The following PTPRT variants were observed in gnomAD, a reference collection of about 807,000 sequenced individuals.
PTPRT encodes the protein receptor-type tyrosine-protein phosphatase T.
In PTPRT, 56 loss-of-function variants were observed where a neutral mutation model predicts 176.8. That is an observed-to-expected ratio of 0.32 (90% CI 0.26 to 0.40). The LOEUF (loss-of-function observed/expected upper bound fraction) is 0.40, where lower values mean the gene tolerates loss of function less well. Among genes scored for constraint, PTPRT ranks in the 10% least tolerant of loss-of-function variants. The pLI, the probability that PTPRT is intolerant of heterozygous loss-of-function variation, is 1.00. For missense variants in PTPRT, 1,540 were observed against 1,908.2 expected, an observed-to-expected ratio of 0.81 and a Z score of 3.60; for synonymous variants, 783 against 739.0, an observed-to-expected ratio of 1.06 and a Z score of -0.96.
At chr20:43,083,321 T>TGTGTATATATATATATATATATATATAC (rs1491174501) in intron 1 of PTPRT, among the ~76,000 whole-genome samples, 1 of 11,426 alleles carries the variant, frequency 8.8e-5, no homozygotes, top group African/African-American at 4.2e-4. Context: ...ACTTCAAATG[T>TGTGTATATATATATATATATATATATAC]ATATATATAT....
intron 9 of PTPRT, among the ~76,000 whole-genome samples, chr20:42,378,028 T>C (rs2058666973): frequency 3.3e-5 from 5 of 152,292 alleles, no homozygotes; most frequent in Middle Eastern, 3.4e-3. Context: ...AGGCAGAGGT[T>C]GGGGCAGAAT....
chr20:43,137,331 CT>C (rs911398039), intron 1 of PTPRT, among the ~76,000 whole-genome samples: 6 of 152,110 alleles, frequency 3.9e-5, no homozygotes, highest in Non-Finnish European at 8.8e-5. Flanking sequence ...GGCCCTCTGC[CT>C]TTTTTTGTAA....
intron 7 of PTPRT, among the ~76,000 whole-genome samples, chr20:42,545,469 C>A (rs944217400): frequency 2.0e-5 from 3 of 152,056 alleles, no homozygotes; most frequent in Non-Finnish European, 4.4e-5. Context: ...CCCACTATGG[C>A]GAGATTCTTT....
At chr20:42,975,637 A>G (rs1982902718) in intron 1 of PTPRT, among the ~76,000 whole-genome samples, 1 of 152,190 alleles carries the variant, frequency 6.6e-6, no homozygotes, top group Non-Finnish European at 1.5e-5. Context: ...ACAAGACAGA[A>G]TTCTCACTAC....
Position 42,315,883 on chromosome 20 carries a change from G to A in PTPRT, c.1979C>T (p.Ser660Phe). Residue 660 changes from serine (S) to phenylalanine (F), a missense_variant, in exon 12 of 31, where the codon TCT (serine) becomes TTT (phenylalanine). Physicochemically the swap from Ser to Phe is radical, Grantham distance 155 (BLOSUM62 -2). This residue lies in a region of PTPRT where 81 missense variants were observed against 89.9 expected (regional missense o/e 0.90). Coordinates refer to ENST00000373187, the MANE Select transcript of PTPRT (RefSeq NM_007050.6). ...CAACTCAGCAGCAAAGTAGTGTAGA[G>A]AATCGAGGCTGGAGGCATTCCGATA... ...VSYRNASSLD[S>F]LHYFAAELKP... 1 of 1,614,002 alleles carries A rather than the reference G, an allele frequency of 6.2e-7. No individual in the cohort carries two copies. Among genetic ancestry groups the A allele is most frequent in the Non-Finnish European group, 8.5e-7 (1 of 1,179,990 alleles).
chr20:43,169,450 T>C (rs1341234050), intron 1 of PTPRT, among the ~76,000 whole-genome samples: 2 of 152,172 alleles, frequency 1.3e-5, no homozygotes, highest in Admixed American at 1.3e-4. Flanking sequence ...AACTACTGAG[T>C]TGATTGAGCT....
intron 12 of PTPRT, among the ~76,000 whole-genome samples, chr20:42,311,690 A>ACC (rs200035969): frequency 2.0e-5 from 3 of 150,456 alleles, no homozygotes; most frequent in South Asian, 2.1e-4. Flanking sequence ...ACACTTTTTT[A>ACC]CCCCCCCGTC....
chr20:42,657,795 G>C (rs978150768), intron 7 of PTPRT, among the ~76,000 whole-genome samples: 1 of 152,110 alleles, frequency 6.6e-6, no homozygotes, highest in Non-Finnish European at 1.5e-5. Flanking sequence ...GCTTCCATTT[G>C]CATATTCCTG....
At chr20:42,439,067 T>A (rs1466161150) in intron 9 of PTPRT, among the ~76,000 whole-genome samples, 1 of 152,182 alleles carries the variant, frequency 6.6e-6, no homozygotes, top group Non-Finnish European at 1.5e-5. Flanking sequence ...CCTGTCAGCT[T>A]CCCTGTCAGC....
At chr20:42,987,402 C>A (rs998596406) in intron 1 of PTPRT, among the ~76,000 whole-genome samples, 3 of 152,230 alleles carry the variant, frequency 2.0e-5, no homozygotes, top group African/African-American at 4.8e-5. Context: ...GTCGGCAGTG[C>A]AGATACAGAA....
chr20:42,625,683 T>C (rs1325404516), intron 7 of PTPRT, among the ~76,000 whole-genome samples: 1 of 151,894 alleles, frequency 6.6e-6, no homozygotes, highest in Non-Finnish European at 1.5e-5. Flanking sequence ...CAGAGGAACA[T>C]TATTAGAAAC....
chr20:42,384,687 A>G (rs1489218266), intron 9 of PTPRT, among the ~76,000 whole-genome samples: 1 of 152,014 alleles, frequency 6.6e-6, no homozygotes, highest in Non-Finnish European at 1.5e-5. Context: ...ACTCCATACT[A>G]TTTTTTCATA....
intron 1 of PTPRT, among the ~76,000 whole-genome samples, chr20:42,985,781 A>G (rs1291461387): frequency 6.6e-6 from 1 of 152,296 alleles, no homozygotes; most frequent in East Asian, 1.9e-4. Context: ...AAGATGTTCA[A>G]AGTCTAGCGG....
chr20:42,411,746 A>G (rs991775484), intron 9 of PTPRT, among the ~76,000 whole-genome samples: 3 of 152,166 alleles, frequency 2.0e-5, no homozygotes, highest in Non-Finnish European at 4.4e-5. Context: ...ATTATTTGAA[A>G]GACACAAACT....
intron 9 of PTPRT, among the ~76,000 whole-genome samples, chr20:42,434,410 A>G (rs140811511): frequency 6.6e-6 from 1 of 152,320 alleles, no homozygotes; most frequent in East Asian, 1.9e-4. Flanking sequence ...CTGTGAATAC[A>G]GATCTTTAAC....
At chr20:42,334,915 C>T (rs1398287952) in intron 11 of PTPRT, among the ~76,000 whole-genome samples, 1 of 152,214 alleles carries the variant, frequency 6.6e-6, no homozygotes, top group African/African-American at 2.4e-5. Flanking sequence ...CCTCTTCTAT[C>T]TCCTCACTGT....
intron 2 of PTPRT, among the ~76,000 whole-genome samples, chr20:42,822,779 A>G (rs1444074287): frequency 6.6e-6 from 1 of 152,236 alleles, no homozygotes; most frequent in Non-Finnish European, 1.5e-5. Context: ...TACGCAGCCA[A>G]CAAACATGAA....
intron 16 of PTPRT, among the ~76,000 whole-genome samples, chr20:42,176,624 C>A (rs952354349): frequency 1.3e-5 from 2 of 152,214 alleles, no homozygotes; most frequent in Non-Finnish European, 1.5e-5. Flanking sequence ...TAATGCCTCA[C>A]ACTGAAAATA....
rs2070874287 is a variant in PTPRT at position 42,453,773 on chromosome 20, T to C, written c.1451-5444A>G. ...GCAACCTCCGCCTCCTAGGTTCAAG[T>C]GATTCTCCTGTCTCAGCCTCCCAAG... is the stretch of plus-strand genomic sequence containing the variant. On this transcript the variant is annotated intron_variant, in intron 8 of 30. Transcript: ENST00000373187. Among the ~76,000 whole-genome samples, 6 of 151,354 alleles carry C rather than the reference T, an allele frequency of 4.0e-5. No individual in the cohort carries two copies. In the South Asian group the frequency reaches 1.0e-3, roughly 26 times the overall value.
Sources: allele counts gnomAD v4.1 joint callset (sites outside exome capture counted in the v4.1 genomes callset), GRCh38; gene constraint gnomAD v4.1.1; regional missense constraint gnomAD v4.1.1; transcripts MANE v1.5; gene names NCBI Gene and HGNC (gene_info 2026-07-23, HGNC 2026-07-21).